Variants in ANK1 observed in about 807,000 individuals in gnomAD.
ANK1 encodes the protein ankyrin-1.
In ANK1, 51 loss-of-function variants were observed where a neutral mutation model predicts 210.4. That is an observed-to-expected ratio of 0.24 (90% CI 0.19 to 0.31). The LOEUF is 0.31. Ranked by LOEUF, ANK1 falls within the 10% of genes least tolerant of loss-of-function variation. The pLI is 1.00. For missense variants in ANK1, 2,051 were observed against 2,504.4 expected, an observed-to-expected ratio of 0.82 and a Z score of 3.86; for synonymous variants, 967 against 1,025.9, an observed-to-expected ratio of 0.94 and a Z score of 1.10.
intron 1 of ANK1, among the ~76,000 whole-genome samples, chr8:41,876,357 C>G (rs1284307981): frequency 1.3e-5 from 2 of 152,208 alleles, no homozygotes; most frequent in Non-Finnish European, 2.9e-5. Context: ...GGCCGCGACT[C>G]AGCAGCGGCG....
chr8:41,860,123 T>A (rs1671817927), intron 1 of ANK1, among the ~76,000 whole-genome samples: 1 of 152,118 alleles, frequency 6.6e-6, no homozygotes, highest in Non-Finnish European at 1.5e-5. Flanking sequence ...AGGAAACCAC[T>A]GGGGTGGGGG....
intron 2 of ANK1, among the ~76,000 whole-genome samples, chr8:41,749,109 C>A (rs1260593399): frequency 6.6e-6 from 1 of 152,004 alleles, no homozygotes; most frequent in Non-Finnish European, 1.5e-5. Flanking sequence ...ATGGCACTTA[C>A]GATACTGAAT....
At position 41,699,514 on chromosome 8, in the gene ANK1, C is replaced by A. The variant is rs764520113; in HGVS notation, c.2496G>T (p.Arg832=). The A allele has an allele frequency of 3.7e-6, 6 of 1,614,052 alleles. No homozygotes were observed. Among genetic ancestry groups the A allele is most frequent in the Non-Finnish European group, 5.1e-6 (6 of 1,180,048 alleles). Reference sequence around the variant, plus strand: ...TCTCTTCATCAACATCCCTGGAATCCCGCCTCTCAGCCTTGAAGCTGATGA... The same window carrying A: ...TCTCTTCATCAACATCCCTGGAATCACGCCTCTCAGCCTTGAAGCTGATGA... ...EELISFKAER[R]DSRDVDEEKE... Residue 832 remains arginine, a synonymous_variant, in exon 23 of 43, where the codon CGG becomes CGT. Coordinates refer to ENST00000289734, the MANE Select transcript of ANK1 (RefSeq NM_000037.4).
chr8:41,700,804 C>T (rs1822558041), intron 22 of ANK1, among the ~76,000 whole-genome samples: 2 of 152,140 alleles, frequency 1.3e-5, no homozygotes, highest in South Asian at 4.2e-4. Context: ...GCTCTGTCAC[C>T]CTGGCTGGAG....
At chr8:41,707,291 A>C (rs990718560) in intron 17 of ANK1, among the ~76,000 whole-genome samples, 1 of 152,218 alleles carries the variant, frequency 6.6e-6, no homozygotes, top group African/African-American at 2.4e-5. Flanking sequence ...AAATGTCAGA[A>C]AAGTCTTCTC....
At chr8:41,881,248 G>A (rs752420506) in intron 1 of ANK1, among the ~76,000 whole-genome samples, 2 of 152,228 alleles carry the variant, frequency 1.3e-5, no homozygotes, top group Non-Finnish European at 2.9e-5. Flanking sequence ...TGAGAAAACA[G>A]AGGCCCAGAG....
intron 1 of ANK1, among the ~76,000 whole-genome samples, chr8:41,803,089 GAAAGGA>G (rs1850373820): frequency 1.2e-4 from 5 of 43,248 alleles, no homozygotes; most frequent in East Asian, 1.5e-3. Flanking sequence ...GGAAGGGAAG[GAAAGGA>G]AAGGAAAGGA....
rs960901937 is a variant in ANK1, at chr8:41,715,728, A to G, written c.1526T>C (p.Ile509Thr). 3 of 1,614,108 alleles carry G rather than the reference A, an allele frequency of 1.9e-6. No homozygotes were observed. Among genetic ancestry groups the G allele is most frequent in the East Asian group, 4.5e-5 (2 of 44,880 alleles). ...TTCCACATGGCCCTCACGGGCTGCA[A>G]TGTGCAGGGGGGTGTGCCCGGCGGT... ...ATTAGHTPLH[I>T]AAREGHVETV... The change falls in exon 14 of 43, where the codon ATT becomes ACT. Residue 509 changes from isoleucine (I) to threonine (T), a missense_variant. By Grantham distance (89) the Ile-to-Thr change is moderately conservative. Around this residue, in one of 6 missense-constraint regions of ANK1, gnomAD observed 1,413 missense variants for 1,707.4 expected, o/e 0.83. Coordinates refer to ENST00000289734, the MANE Select transcript of ANK1 (RefSeq NM_000037.4).
chr8:41,715,005 G>C lies in ANK1; in HGVS notation c.1672C>G (p.Arg558Gly). ...CCGGCAGCATTCGGGTGTGCGTCCC[G>C]CTCCAGCAGCAGCTCTGCCACCCGC... ...KVRVAELLLE[R>G]DAHPNAAGKN... The change falls in exon 15 of 43, where the codon CGG becomes GGG. Residue 558 changes from arginine to glycine, a missense_variant. Arg to Gly is a moderately radical substitution (Grantham distance 125). This residue lies in a region of ANK1 where 1,413 missense variants were observed against 1,707.4 expected (regional missense o/e 0.83). Transcript: ENST00000289734. 1.2e-6 allele frequency: 2 copies of C among 1,614,094 alleles called. No homozygotes were observed. The highest frequency in any genetic ancestry group is 1.7e-6 in the Non-Finnish European group (2 of 1,180,026).
At chr8:41,886,517 C>A (rs1202460202) in intron 1 of ANK1, among the ~76,000 whole-genome samples, 1 of 152,212 alleles carries the variant, frequency 6.6e-6, no homozygotes, top group East Asian at 1.9e-4. Context: ...TGCTCTGGCC[C>A]CCTTGCCCAA....
At chr8:41,669,057 C>T (rs78722018) in intron 38 of ANK1, among the ~76,000 whole-genome samples, 2,188 of 151,550 alleles carry the variant, frequency 0.014, 28 homozygotes, top group Non-Finnish European at 0.02. Flanking sequence ...CCTCTCTGGC[C>T]GCTGTTGTTC....
intron 3 of ANK1, among the ~76,000 whole-genome samples, chr8:41,731,361 T>A (rs1051612406): frequency 9.2e-5 from 14 of 152,252 alleles, no homozygotes; most frequent in African/African-American, 3.4e-4. Flanking sequence ...GCTGATTGAA[T>A]GCAAGTGGAA....
chr8:41,695,098 T>A (rs2150594124), intron 27 of ANK1, 79 bp downstream of exon 27: 1 of 1,595,446 alleles, frequency 6.3e-7, no homozygotes, highest in East Asian at 2.2e-5. Flanking sequence ...CAGGTGGCCC[T>A]CAAAGACCAC....
Position 41,734,125 on chromosome 8 carries a change from C to T in ANK1, c.130-56G>A, listed in dbSNP as rs2304869. 0.13 allele frequency: 197,425 copies of T among 1,466,162 alleles called. 14,125 individuals are homozygous for T. Among genetic ancestry groups the T allele is most frequent in the South Asian group, 0.19 (16,488 of 88,042 alleles). The allele number at this position is 1,466,162 out of a possible 1,614,324, so 90.8% of individuals were successfully genotyped here. Reference sequence around the variant, plus strand: ...GGTTAGTCAAATGGTGCTTTCTGCACGTCCCAGTGGGGGCCCAGGCCCCTT... The same window carrying T: ...GGTTAGTCAAATGGTGCTTTCTGCATGTCCCAGTGGGGGCCCAGGCCCCTT... On this transcript the variant is annotated intron_variant, in intron 2 of 42. Coordinates refer to ENST00000289734, the MANE Select transcript of ANK1 (RefSeq NM_000037.4).
intron 1 of ANK1, among the ~76,000 whole-genome samples, chr8:41,805,396 T>C (rs560652228): frequency 6.6e-6 from 1 of 152,100 alleles, no homozygotes; most frequent in African/African-American, 2.4e-5. Flanking sequence ...TTTGTGCCAC[T>C]GTACCCAGCT....
chr8:41,834,299 A>G (rs369993031), intron 1 of ANK1, among the ~76,000 whole-genome samples: 12 of 152,386 alleles, frequency 7.9e-5, no homozygotes, highest in African/African-American at 2.9e-4. Context: ...CAATGCCAGC[A>G]GACTCGGGAG....
rs1462631117 is a variant in ANK1 at position 41,725,993 on chromosome 8, C to T, written c.427-47G>A. Reference sequence around the variant, plus strand: ...TTTGCTCTGACTCGTCTGACGCCAGCCGCCCTTCACACGGGACACACCCTT... The same window carrying T: ...TTTGCTCTGACTCGTCTGACGCCAGTCGCCCTTCACACGGGACACACCCTT... On this transcript the variant is annotated intron_variant, in intron 5 of 42. Transcript: ENST00000289734. 2.5e-6 allele frequency: 4 copies of T among 1,592,556 alleles called. No homozygotes were observed. In the South Asian group the frequency reaches 3.4e-5, roughly 13 times the overall value.
chr8:41,746,110 C>T (rs187955635), intron 2 of ANK1, among the ~76,000 whole-genome samples: 13 of 152,304 alleles, frequency 8.5e-5, no homozygotes, highest in African/African-American at 2.9e-4. Context: ...GCCCTCAGCC[C>T]ACAGGGAAAC....
intron 1 of ANK1, among the ~76,000 whole-genome samples, chr8:41,832,795 G>A (rs907611600): frequency 6.6e-6 from 1 of 152,218 alleles, no homozygotes; most frequent in Admixed American, 6.5e-5. Flanking sequence ...TGCAATATTT[G>A]TATGTGTTTT....
Sources: gnomAD v4.1 joint callset for allele counts (sites outside exome capture counted in the v4.1 genomes callset) on GRCh38, gnomAD v4.1.1 for gene constraint, gnomAD v4.1.1 regional missense constraint, MANE v1.5 for transcripts, NCBI Gene and HGNC (gene_info 2026-07-23, HGNC 2026-07-21) for gene names.